Variants in NELL2 observed in about 807,000 individuals in gnomAD.
NELL2 encodes neural EGFL like 2, also known as protein kinase C-binding protein NELL2.
A neutral mutation model predicts 109.6 loss-of-function variants in NELL2; 41 were observed. That is an observed-to-expected ratio of 0.37 (90% confidence interval 0.29 to 0.49). The LOEUF (loss-of-function observed/expected upper bound fraction) is 0.49, where lower values mean the gene tolerates loss of function less well. NELL2 is among the 20% of genes least tolerant of loss of function. The pLI, the probability that NELL2 is intolerant of heterozygous loss-of-function variation, is 0.98. For missense variants in NELL2, 900 were observed against 1,008.3 expected, an observed-to-expected ratio of 0.89 and a Z score of 1.45; for synonymous variants, 355 against 344.7, an observed-to-expected ratio of 1.03 and a Z score of -0.33.
chr12:44,688,224 T>G (rs1423982956), intron 12 of NELL2, among the ~76,000 whole-genome samples: 1 of 152,230 alleles, frequency 6.6e-6, no homozygotes, highest in Non-Finnish European at 1.5e-5. Flanking sequence ...AAATAACCCA[T>G]GGTAACTTAG....
chr12:44,912,468 T>C (rs930109479), intron 1 of NELL2, among the ~76,000 whole-genome samples: 1 of 152,092 alleles, frequency 6.6e-6, no homozygotes, highest in Non-Finnish European at 1.5e-5. Context: ...AAAAAGCTAA[T>C]AGAATATGCA....
chr12:44,755,435 TCA>T (rs1940845275), intron 9 of NELL2, among the ~76,000 whole-genome samples: 1 of 152,034 alleles, frequency 6.6e-6, no homozygotes, highest in Non-Finnish European at 1.5e-5. Context: ...TGAAATCTGG[TCA>T]CAGTCTCTCT....
intron 13 of NELL2, among the ~76,000 whole-genome samples, chr12:44,662,174 C>T (rs890282333): frequency 6.6e-6 from 1 of 152,050 alleles, no homozygotes; most frequent in African/African-American, 2.4e-5. Context: ...GTCAGAGGCC[C>T]AGAAAATGGT....
chr12:44,563,465 C>T (rs1943547868), intron 15 of NELL2, among the ~76,000 whole-genome samples: 1 of 152,020 alleles, frequency 6.6e-6, no homozygotes, highest in African/African-American at 2.4e-5. Context: ...TTTAAAAATG[C>T]ACACAAGTAT....
chr12:44,865,904 T>C (rs1464621832), intron 2 of NELL2, among the ~76,000 whole-genome samples: 4 of 152,204 alleles, frequency 2.6e-5, no homozygotes, highest in Admixed American at 1.3e-4. Context: ...GGTATTGCTA[T>C]GGTTTAAGTG....
chr12:44,648,430 C>T (rs576089255), intron 13 of NELL2, among the ~76,000 whole-genome samples: 52 of 152,080 alleles, frequency 3.4e-4, no homozygotes, highest in Non-Finnish European at 7.1e-4. Flanking sequence ...AAGCAGAAGC[C>T]TGTGGTTTGA....
intron 16 of NELL2, among the ~76,000 whole-genome samples, chr12:44,530,258 C>T (rs1941980839): frequency 6.6e-6 from 1 of 152,116 alleles, no homozygotes; most frequent in Admixed American, 6.6e-5. Flanking sequence ...TTGACTACTT[C>T]TGTGTCTCAG....
At chr12:44,773,665 A>C (rs570981380) in intron 9 of NELL2, among the ~76,000 whole-genome samples, 2 of 152,270 alleles carry the variant, frequency 1.3e-5, no homozygotes, top group African/African-American at 4.8e-5. Context: ...ATTTCTCACC[A>C]AGGAAATTAG....
chr12:44,890,213 T>C (rs1391819290), intron 1 of NELL2, among the ~76,000 whole-genome samples: 1 of 152,178 alleles, frequency 6.6e-6, no homozygotes, highest in Non-Finnish European at 1.5e-5. Context: ...AAGAAAGAGC[T>C]GCTGAGTGAG....
chr12:44,587,307 A>ATATATATATATATATATATATTT (rs1302978950), intron 15 of NELL2, among the ~76,000 whole-genome samples: 1 of 96,642 alleles, frequency 1.0e-5, no homozygotes, highest in African/African-American at 4.2e-5. Context: ...ATATATATAT[A>ATATATATATATATATATATATTT]TTTTTTTTTA....
At chr12:44,621,779 C>G (rs1946070689) in intron 13 of NELL2, among the ~76,000 whole-genome samples, 1 of 151,856 alleles carries the variant, frequency 6.6e-6, no homozygotes, top group African/African-American at 2.4e-5. Context: ...AGTAAATAAA[C>G]ATTTGATCAT....
chr12:44,605,594 T>C (rs1204848993), intron 15 of NELL2, among the ~76,000 whole-genome samples: 1 of 152,176 alleles, frequency 6.6e-6, no homozygotes, highest in South Asian at 2.1e-4. Context: ...ATTCCAGATT[T>C]CTACAATCTT....
At chr12:44,618,789 CAAT>C (rs1159785710) in intron 13 of NELL2, among the ~76,000 whole-genome samples, 1 of 152,118 alleles carries the variant, frequency 6.6e-6, no homozygotes, top group African/African-American at 2.4e-5. Flanking sequence ...ATAACAGTAA[CAAT>C]AATGATAGTA....
At chr12:44,831,451 T>A (rs889898791) in intron 2 of NELL2, among the ~76,000 whole-genome samples, 1 of 152,160 alleles carries the variant, frequency 6.6e-6, no homozygotes, top group Non-Finnish European at 1.5e-5. Context: ...GCAATGAAGA[T>A]CAGGAATAAT....
intron 12 of NELL2, among the ~76,000 whole-genome samples, chr12:44,686,267 A>G (rs1280764514): frequency 6.6e-6 from 1 of 152,076 alleles, no homozygotes; most frequent in African/African-American, 2.4e-5. Flanking sequence ...CAGCTCCATC[A>G]GCTCCTCTAA....
At chr12:44,670,763 T>C (rs966572697) in intron 12 of NELL2, among the ~76,000 whole-genome samples, 7 of 152,012 alleles carry the variant, frequency 4.6e-5, no homozygotes, top group Non-Finnish European at 1.0e-4. Flanking sequence ...ACAATTGTAA[T>C]TGTATACGCA....
chr12:44,654,309 T>C (rs959341092), intron 13 of NELL2, among the ~76,000 whole-genome samples: 2 of 152,206 alleles, frequency 1.3e-5, no homozygotes, highest in African/African-American at 2.4e-5. Context: ...TCCTACACCA[T>C]ACATTTTTAC....
intron 13 of NELL2, among the ~76,000 whole-genome samples, chr12:44,657,730 T>C (rs1387928575): frequency 6.6e-6 from 1 of 152,218 alleles, no homozygotes; most frequent in African/African-American, 2.4e-5. Flanking sequence ...ACATGCAGTG[T>C]TTGGTTTTCT....
chr12:44,888,372 G>A lies in NELL2; in HGVS notation c.39-12472C>T, dbSNP rs1487394134. On this transcript the variant is annotated intron_variant, in intron 1 of 20. Coordinates refer to the NELL2 transcript ENST00000333837. ...GATTTTATCTAATTCTGTGATGAAT[G>A]AACAGTTGGTTTTTTTTTTTTTTTT... Among the ~76,000 whole-genome samples, 4 of 137,628 alleles carry A rather than the reference G, an allele frequency of 2.9e-5. 1 individual carries two copies. Among genetic ancestry groups the A allele is most frequent in the African/African-American group, 1.0e-4 (4 of 38,602 alleles). The allele number at this position is 137,628 out of a possible 152,430, so 90.3% of individuals were successfully genotyped here. A position where few individuals can be genotyped will look rare whatever the true frequency, so the allele number is the denominator to read the frequency against.
Sources: gnomAD v4.1 joint callset for allele counts (sites outside exome capture counted in the v4.1 genomes callset) on GRCh38, gnomAD v4.1.1 for gene constraint, MANE v1.5 for transcripts, NCBI Gene and HGNC (gene_info 2026-07-23, HGNC 2026-07-21) for gene names.